The following DPYD variants were observed in gnomAD, a reference collection of about 807,000 sequenced individuals.
DPYD encodes the protein dihydropyrimidine dehydrogenase, also known as dihydropyrimidine dehydrogenase [NADP(+)].
DPYD carries 109 observed loss-of-function variants against 116.2 expected under a neutral mutation model. That is an observed-to-expected ratio of 0.94 (90% CI 0.80 to 1.10). The LOEUF is 1.10. Among genes scored for constraint, DPYD ranks in the 50% least tolerant of loss-of-function variants. The pLI is 0.00. For synonymous variants in DPYD, 440 were observed against 432.0 expected (o/e 1.02, Z -0.23); for missense variants, 1,302 against 1,254.5 (o/e 1.04, Z -0.57).
chr1:97,454,708 G>A (rs1489439755), intron 13 of DPYD, among the ~76,000 whole-genome samples: 1 of 151,808 alleles, frequency 6.6e-6, no homozygotes, highest in Non-Finnish European at 1.5e-5. Flanking sequence ...TAAATGGTAA[G>A]CGGACTGATT....
chr1:97,894,684 C>T (rs896776567), intron 1 of DPYD, among the ~76,000 whole-genome samples: 2 of 151,410 alleles, frequency 1.3e-5, no homozygotes, highest in Admixed American at 6.6e-5. Context: ...AACATATATA[C>T]TTTATATATA....
rs903407175 is a variant in DPYD, at chr1:97,786,583, C to T, written c.233+41531G>A. Among the ~76,000 whole-genome samples the T allele has an allele frequency of 2.6e-5, 4 of 152,132 alleles. 1 individual carries two copies. Among genetic ancestry groups the T allele is most frequent in the Non-Finnish European group, 5.9e-5 (4 of 68,028 alleles). On this transcript the variant is annotated intron_variant, in intron 3 of 22. Transcript: ENST00000370192. ...AATGTGCTCACACACAAGATGAGGG[C>T]CCTACCTGAGGAGACATTTGTATAA...
chr1:97,756,337 A>G (rs1665233088), intron 3 of DPYD, among the ~76,000 whole-genome samples: 1 of 152,182 alleles, frequency 6.6e-6, no homozygotes, highest in Non-Finnish European at 1.5e-5. Context: ...ATTATCTTAT[A>G]GCGCAGGGTG....
chr1:97,182,327 T>C (rs1657702662), intron 20 of DPYD, among the ~76,000 whole-genome samples: 2 of 152,194 alleles, frequency 1.3e-5, no homozygotes, highest in South Asian at 2.1e-4. Flanking sequence ...CAGATGTAGA[T>C]TAAGTCTTCA....
intron 2 of DPYD, among the ~76,000 whole-genome samples, chr1:97,853,674 C>G (rs1350223762): frequency 6.6e-6 from 1 of 152,154 alleles, no homozygotes. Context: ...CTTCAATTAT[C>G]TTCAGACTAA....
intron 21 of DPYD, among the ~76,000 whole-genome samples, chr1:97,093,578 T>C (rs1650034640): frequency 6.6e-6 from 1 of 152,224 alleles, no homozygotes; most frequent in Non-Finnish European, 1.5e-5. Context: ...GATACTTTTA[T>C]TATTTCCATT....
At chr1:97,202,754 C>T (rs1428653957) in intron 19 of DPYD, among the ~76,000 whole-genome samples, 1 of 152,164 alleles carries the variant, frequency 6.6e-6, no homozygotes, top group African/African-American at 2.4e-5. Flanking sequence ...CTGTCCTTTA[C>T]AAAGTGAGCT....
chr1:97,257,452 T>TATATATAGAGAGAGAG lies in DPYD; in HGVS notation c.2300-22459_2300-22458insCTCTCTCTCTATATAT, dbSNP rs375490078. ...ATACATACGTATATATATATATATATAGAGAGAGAGAAAGAGAGAGAGAGC... is the reference window on the plus strand; with the variant it reads ...ATACATACGTATATATATATATATATATATATAGAGAGAGAGAGAGAGAGAGAAAGAGAGAGAGAGC... On this transcript the variant is annotated intron_variant, in intron 18 of 22. Coordinates refer to ENST00000370192, the MANE Select transcript of DPYD (RefSeq NM_000110.4). Among the ~76,000 whole-genome samples the TATATATAGAGAGAGAG allele has an allele frequency of 3.9e-3, 498 of 126,418 alleles. 4 individuals carry two copies. Among genetic ancestry groups the TATATATAGAGAGAGAG allele is most frequent in the East Asian group, 0.011 (46 of 4,034 alleles). 82.9% of individuals were successfully genotyped at this position (126,418 alleles called of 152,430 possible). A position where few individuals can be genotyped will look rare whatever the true frequency, so the allele number is the denominator to read the frequency against.
chr1:97,547,037 CAG>C (rs145040640), intron 12 of DPYD: 114,632 of 1,268,826 alleles, frequency 0.09, 5,532 homozygotes, highest in Non-Finnish European at 0.1. Context: ...TATCATAAAC[CAG>C]AAACAGTACA....
intron 20 of DPYD, among the ~76,000 whole-genome samples, chr1:97,173,257 CACACA>C (rs1656899788): frequency 8.0e-6 from 1 of 125,480 alleles, no homozygotes; most frequent in African/African-American, 3.5e-5. Context: ...TACATATATG[CACACA>C]TATGTACATA....
intron 8 of DPYD, among the ~76,000 whole-genome samples, chr1:97,613,691 C>T (rs968164509): frequency 2.6e-5 from 4 of 151,832 alleles, no homozygotes; most frequent in East Asian, 1.9e-4. Context: ...TAAAATGAAT[C>T]CTAATGTACA....
intron 19 of DPYD, among the ~76,000 whole-genome samples, chr1:97,232,650 T>A (rs1661657295): frequency 6.6e-6 from 1 of 152,156 alleles, no homozygotes; most frequent in South Asian, 2.1e-4. Context: ...TATTGCTCTA[T>A]CTTCTAGTTC....
At chr1:97,363,718 T>G (rs1312963582) in intron 16 of DPYD, among the ~76,000 whole-genome samples, 2 of 152,098 alleles carry the variant, frequency 1.3e-5, no homozygotes, top group Non-Finnish European at 2.9e-5. Context: ...AACCAAACAC[T>G]GTGTGTTCTC....
Position 97,134,443 on chromosome 1 carries a change from G to A in DPYD, c.2623-35811C>T, listed in dbSNP as rs183648391. Among the ~76,000 whole-genome samples the A allele has an allele frequency of 2.2e-4, 34 of 152,190 alleles. 1 individual carries two copies. Among genetic ancestry groups the A allele is most frequent in the African/African-American group, 7.7e-4 (32 of 41,536 alleles). The stretch of plus-strand genomic sequence containing the variant: ...TGCTACCGACAGGCTGGATAGTTTG[G>A]CAAATTATATACCACCTTTGTATGC... On this transcript the variant is annotated intron_variant, in intron 20 of 22. Coordinates refer to ENST00000370192, the MANE Select transcript of DPYD (RefSeq NM_000110.4).
At chr1:97,581,922 C>T (rs1653709988) in intron 10 of DPYD, among the ~76,000 whole-genome samples, 1 of 151,920 alleles carries the variant, frequency 6.6e-6, no homozygotes, top group Admixed American at 6.6e-5. Context: ...GAGTTTATCT[C>T]AAGAAGAAAA....
chr1:97,108,162 G>C (rs1453268170), intron 20 of DPYD, among the ~76,000 whole-genome samples: 1 of 152,100 alleles, frequency 6.6e-6, no homozygotes, highest in East Asian at 1.9e-4. Flanking sequence ...TGCCCCATGG[G>C]AGGCATCTTG....
intron 1 of DPYD, among the ~76,000 whole-genome samples, chr1:97,911,722 T>C (rs1673946265): frequency 6.6e-6 from 1 of 152,136 alleles, no homozygotes; most frequent in African/African-American, 2.4e-5. Context: ...TGGTTTGTTC[T>C]TGGGGTGAGG....
chr1:97,137,195 A>G (rs1284327080), intron 20 of DPYD, among the ~76,000 whole-genome samples: 2 of 152,210 alleles, frequency 1.3e-5, no homozygotes, highest in Non-Finnish European at 2.9e-5. Flanking sequence ...GTCTTCCCAG[A>G]GCTGATTACA....
At chr1:97,882,726 T>C (rs1672290352) in intron 2 of DPYD, among the ~76,000 whole-genome samples, 1 of 152,004 alleles carries the variant, frequency 6.6e-6, no homozygotes, top group Non-Finnish European at 1.5e-5. Flanking sequence ...CTCAGAGAAA[T>C]GCTGTTTTGC....
Sources: allele counts gnomAD v4.1 joint callset (sites outside exome capture counted in the v4.1 genomes callset), GRCh38; gene constraint gnomAD v4.1.1; transcripts MANE v1.5; gene names NCBI Gene and HGNC (gene_info 2026-07-23, HGNC 2026-07-21).